Variants in PAG1 observed in about 807,000 individuals in gnomAD.
PAG1 encodes phosphoprotein membrane anchor with glycosphingolipid microdomains 1, also known as phosphoprotein associated with glycosphingolipid-enriched microdomains 1.
A neutral mutation model predicts 31.7 loss-of-function variants in PAG1; 23 were observed. The ratio of observed to expected loss-of-function variants is 0.73; its 90% CI spans 0.52 to 1.03. PAG1 has a LOEUF of 1.03. Among genes scored for constraint, PAG1 ranks in the 50% least tolerant of loss-of-function variants. The probability of loss-of-function intolerance (pLI) is 0.00; values close to 1 mark genes in which losing one functional copy is unlikely to be tolerated. For missense variants in PAG1, 473 were observed against 540.7 expected, an observed-to-expected ratio of 0.87 and a Z score of 1.24; for synonymous variants, 214 against 210.3, an observed-to-expected ratio of 1.02 and a Z score of -0.15.
Position 80,974,088 on chromosome 8 carries a change from T to C in PAG1, c.*2456A>G, listed in dbSNP as rs553059783. 5.0e-4 allele frequency: 76 copies of C among 152,240 alleles called. No homozygotes were observed. Among genetic ancestry groups the C allele is most frequent in the African/African-American group, 1.8e-3 (74 of 41,546 alleles). The allele number at this position is 152,240 out of a possible 1,614,324, so 9.4% of individuals were successfully genotyped here. A position where few individuals can be genotyped will look rare whatever the true frequency, so the allele number is the denominator to read the frequency against. The stretch of plus-strand genomic sequence containing the variant: ...TTGCAGAACTAATATTTGAAAACTC[T>C]TGGGGGAAATTTTGGTAACAAAATT... On this transcript the variant is annotated 3_prime_UTR_variant, in exon 9 of 9. Transcript: ENST00000220597.
intron 1 of PAG1, among the ~76,000 whole-genome samples, chr8:81,105,226 C>T (rs1809675743): frequency 6.6e-6 from 1 of 152,158 alleles, no homozygotes; most frequent in African/African-American, 2.4e-5. Flanking sequence ...TCAGTGTCTC[C>T]TTCCCTCATG....
intron 1 of PAG1, among the ~76,000 whole-genome samples, chr8:81,098,708 A>G (rs1471689425): frequency 6.6e-6 from 1 of 152,232 alleles, no homozygotes; most frequent in African/African-American, 2.4e-5. Context: ...CCACAAACCT[A>G]GCTGGCCATA....
chr8:81,073,897 G>T (rs1012064244), intron 1 of PAG1, among the ~76,000 whole-genome samples: 1 of 152,140 alleles, frequency 6.6e-6, no homozygotes, highest in Non-Finnish European at 1.5e-5. Context: ...GCTGAGCACA[G>T]ACCTGAAGGT....
chr8:81,097,584 A>C (rs148733654), intron 1 of PAG1, among the ~76,000 whole-genome samples: 3 of 152,302 alleles, frequency 2.0e-5, no homozygotes, highest in African/African-American at 7.2e-5. Flanking sequence ...CACCTATGAA[A>C]GAAGTCTGTG....
intron 3 of PAG1, among the ~76,000 whole-genome samples, chr8:81,000,720 G>T (rs1242415651): frequency 6.6e-6 from 1 of 152,122 alleles, no homozygotes; most frequent in East Asian, 1.9e-4. Flanking sequence ...GGGATTATAG[G>T]CATGAGCCAC....
intron 7 of PAG1, among the ~76,000 whole-genome samples, chr8:80,981,706 C>T (rs1477044464): frequency 6.6e-6 from 1 of 152,134 alleles, no homozygotes; most frequent in Non-Finnish European, 1.5e-5. Flanking sequence ...ACACTAGACC[C>T]TGTCTCCACA....
rs1808352619 is a variant in PAG1, at chr8:81,029,993, T to A, written c.-81+3A>T. 6.6e-6 allele frequency: 1 copy of A among 152,270 alleles called. No homozygotes were observed. Among genetic ancestry groups the A allele is most frequent in the African/African-American group, 2.4e-5 (1 of 41,474 alleles). The allele number at this position is 152,270 out of a possible 1,614,324, so 9.4% of individuals were successfully genotyped here. The stretch of plus-strand genomic sequence containing the variant: ...CCTTTATTGGTACAATGGTAATATT[T>A]ACCTTGGAGGAAATGTTTGTCCAGT... On this transcript the variant is annotated splice_donor_region_variant and intron_variant, in intron 3 of 8. Transcript: ENST00000220597.
At chr8:81,012,000 C>T (rs1807994499) in intron 3 of PAG1, among the ~76,000 whole-genome samples, 1 of 152,186 alleles carries the variant, frequency 6.6e-6, no homozygotes, top group South Asian at 2.1e-4. Context: ...GGGAGTAACA[C>T]CATGTTTATT....
At chr8:81,039,990 C>G (rs1342829156) in intron 2 of PAG1, among the ~76,000 whole-genome samples, 1 of 152,066 alleles carries the variant, frequency 6.6e-6, no homozygotes, top group Non-Finnish European at 1.5e-5. Flanking sequence ...GAATTTATAT[C>G]AACCAAAATT....
intron 1 of PAG1, among the ~76,000 whole-genome samples, chr8:81,094,508 T>C (rs77866586): frequency 2.0e-5 from 3 of 151,906 alleles, no homozygotes; most frequent in Non-Finnish European, 1.5e-5. Flanking sequence ...AATGGTTGGG[T>C]TTCTAGGTCT....
In PAG1 at chr8:80,969,444, A is replaced by C. The variant is rs1192689225; in HGVS notation, c.*7100T>G. 6.6e-6 allele frequency: 1 copy of C among 152,294 alleles called. No homozygotes were observed. Among genetic ancestry groups the C allele is most frequent in the East Asian group, 1.9e-4 (1 of 5,184 alleles). 9.4% of individuals were successfully genotyped at this position (152,294 alleles called of 1,614,324 possible). The stretch of plus-strand genomic sequence containing the variant: ...CCTTCACTACCTAAATGAGGAGCTA[A>C]AGATTAAAAAAAAAATTCTCTTTAA... On this transcript the variant is annotated 3_prime_UTR_variant, in exon 9 of 9. Coordinates refer to ENST00000220597, the MANE Select transcript of PAG1 (RefSeq NM_018440.4).
At chr8:80,985,702 G>C (rs745479851) in intron 6 of PAG1, among the ~76,000 whole-genome samples, 3 of 152,230 alleles carry the variant, frequency 2.0e-5, no homozygotes, top group Non-Finnish European at 2.9e-5. Flanking sequence ...TGACCAGTTT[G>C]ATGCCGCTGA....
intron 8 of PAG1, among the ~76,000 whole-genome samples, chr8:80,979,518 G>A (rs145964071): frequency 1.3e-5 from 2 of 152,276 alleles, no homozygotes; most frequent in Non-Finnish European, 2.9e-5. Flanking sequence ...ATAGACAGAT[G>A]GCAGGTCCAT....
intron 2 of PAG1, among the ~76,000 whole-genome samples, chr8:81,037,719 T>C (rs1808484026): frequency 6.6e-6 from 1 of 152,238 alleles, no homozygotes; most frequent in South Asian, 2.1e-4. Flanking sequence ...CATCTTCTTT[T>C]AGGCAATGTA....
rs1807040707 is a variant in PAG1, at chr8:80,969,867, C to A, written c.*6677G>T. The stretch of plus-strand genomic sequence containing the variant: ...ACCTCCAATTCACCTATCCTAGGAC[C>A]TAGAAGGTGCTTGGTTTCTCACTCC... On this transcript the variant is annotated 3_prime_UTR_variant, in exon 9 of 9. Transcript: ENST00000220597. The A allele has an allele frequency of 6.6e-6, 1 of 152,174 alleles. No homozygotes were observed. The highest frequency in any genetic ancestry group is 6.5e-5 in the Admixed American group (1 of 15,282). The allele number at this position is 152,174 out of a possible 1,614,324, so 9.4% of individuals were successfully genotyped here. A position where few individuals can be genotyped will look rare whatever the true frequency, so the allele number is the denominator to read the frequency against.
chr8:81,061,951 A>G (rs1488072538), intron 2 of PAG1, among the ~76,000 whole-genome samples: 1 of 152,154 alleles, frequency 6.6e-6, no homozygotes, highest in East Asian at 1.9e-4. Flanking sequence ...GATGGGAGGG[A>G]GCAGTTTAGT....
chr8:81,020,542 T>A (rs1214892516), intron 3 of PAG1, among the ~76,000 whole-genome samples: 2 of 152,186 alleles, frequency 1.3e-5, no homozygotes, highest in African/African-American at 4.8e-5. Context: ...CCTGCCGCCA[T>A]GTAAGACGTG....
At chr8:81,012,268 C>T (rs1807998881) in intron 3 of PAG1, among the ~76,000 whole-genome samples, 1 of 152,184 alleles carries the variant, frequency 6.6e-6, no homozygotes, top group South Asian at 2.1e-4. Flanking sequence ...GACAGTTGGG[C>T]ACTACCACTA....
intron 1 of PAG1, among the ~76,000 whole-genome samples, chr8:81,092,841 C>A (rs972708999): frequency 2.0e-5 from 3 of 152,166 alleles, no homozygotes; most frequent in African/African-American, 7.2e-5. Context: ...TGGTAGTGAG[C>A]TTTAACAGGA....
Sources: allele counts gnomAD v4.1 joint callset (sites outside exome capture counted in the v4.1 genomes callset), GRCh38; gene constraint gnomAD v4.1.1; transcripts MANE v1.5; gene names NCBI Gene and HGNC (gene_info 2026-07-23, HGNC 2026-07-21).